ZNF804B: variants seen among roughly 807,000 people sequenced by gnomAD.
ZNF804B encodes the protein zinc finger 804B.
ZNF804B carries 80 observed loss-of-function variants against 101.4 expected under a neutral mutation model. The ratio of observed to expected loss-of-function variants is 0.79; its 90% CI spans 0.66 to 0.95. The LOEUF (loss-of-function observed/expected upper bound fraction) is 0.95. Ranked by LOEUF, ZNF804B falls within the 40% of genes least tolerant of loss-of-function variation. The pLI is 0.00. For synonymous variants in ZNF804B, 622 were observed against 558.8 expected, an observed-to-expected ratio of 1.11 and a Z score of -1.59; for missense variants, 1,673 against 1,561.9, an observed-to-expected ratio of 1.07 and a Z score of -1.20.
chr7:89,027,170 A>G (rs1437725923), intron 1 of ZNF804B, among the ~76,000 whole-genome samples: 2 of 152,160 alleles, frequency 1.3e-5, no homozygotes, highest in East Asian at 1.9e-4. Flanking sequence ...ACTGGATTGT[A>G]TAAAAAGCAA....
At chr7:89,059,080 C>T (rs1789337449) in intron 1 of ZNF804B, among the ~76,000 whole-genome samples, 1 of 152,134 alleles carries the variant, frequency 6.6e-6, no homozygotes, top group Non-Finnish European at 1.5e-5. Flanking sequence ...ACTCATGAAA[C>T]CAGATGGCTA....
chr7:89,075,499 C>T (rs1424540624), intron 1 of ZNF804B, among the ~76,000 whole-genome samples: 2 of 152,166 alleles, frequency 1.3e-5, no homozygotes, highest in African/African-American at 2.4e-5. Flanking sequence ...AAGTGAAGAA[C>T]TGAGCTTCAG....
At chr7:89,229,079 GCA>G (rs1412207905) in intron 2 of ZNF804B, among the ~76,000 whole-genome samples, 1 of 152,198 alleles carries the variant, frequency 6.6e-6, no homozygotes, top group Non-Finnish European at 1.5e-5. Flanking sequence ...CAAGCACCAC[GCA>G]CAGACCCGGT....
intron 1 of ZNF804B, among the ~76,000 whole-genome samples, chr7:89,163,546 T>C (rs1318974512): frequency 6.6e-6 from 1 of 152,212 alleles, no homozygotes; most frequent in Non-Finnish European, 1.5e-5. Context: ...AATGTTTCCA[T>C]TTCATTTAGT....
intron 1 of ZNF804B, among the ~76,000 whole-genome samples, chr7:88,834,772 CCATT>C (rs781727984): frequency 3.5e-4 from 53 of 151,582 alleles, no homozygotes; most frequent in African/African-American, 6.5e-4. Flanking sequence ...CTATTTTTCG[CCATT>C]CAATCTCCTT....
chr7:89,201,257 G>A (rs528975683), intron 1 of ZNF804B, among the ~76,000 whole-genome samples: 72 of 152,142 alleles, frequency 4.7e-4, no homozygotes, highest in Non-Finnish European at 9.1e-4. Context: ...TAGTAACAGA[G>A]CATGTAAGCT....
At chr7:88,935,027 A>G (rs947297407) in intron 1 of ZNF804B, among the ~76,000 whole-genome samples, 1 of 151,244 alleles carries the variant, frequency 6.6e-6, no homozygotes, top group Non-Finnish European at 1.5e-5. Context: ...ATATAGATAT[A>G]TGTGTGTGTG....
At chr7:88,774,344 G>A (rs191736785) in intron 1 of ZNF804B, among the ~76,000 whole-genome samples, 14 of 152,084 alleles carry the variant, frequency 9.2e-5, no homozygotes, top group Non-Finnish European at 1.6e-4. Context: ...AGTGTGATCA[G>A]CTAGAGGCTG....
At chr7:89,060,624 T>C (rs555810572) in intron 1 of ZNF804B, among the ~76,000 whole-genome samples, 1 of 152,298 alleles carries the variant, frequency 6.6e-6, no homozygotes, top group African/African-American at 2.4e-5. Flanking sequence ...TATTTAATCA[T>C]ATATTAATTC....
intron 1 of ZNF804B, among the ~76,000 whole-genome samples, chr7:88,771,701 A>G (rs1790066095): frequency 6.6e-6 from 1 of 152,166 alleles, no homozygotes; most frequent in Admixed American, 6.6e-5. Flanking sequence ...TAAAACATAT[A>G]TATTATATGA....
intron 1 of ZNF804B, among the ~76,000 whole-genome samples, chr7:89,107,020 A>G (rs1790146250): frequency 6.6e-6 from 1 of 152,138 alleles, no homozygotes. Flanking sequence ...ACATCTATGG[A>G]GATGTTATTA....
Position 89,334,691 on chromosome 7 carries a change from C to A in ZNF804B, c.1709C>A (p.Ala570Glu). 6.2e-7 allele frequency: 1 copy of A among 1,613,548 alleles called. No homozygotes were observed. Among genetic ancestry groups the A allele is most frequent in the South Asian group, 1.1e-5 (1 of 91,064 alleles). Reference protein sequence around the residue: ...EPNKSEYTFSANDLEMKNPKV... With the variant: ...EPNKSEYTFSENDLEMKNPKV... ...AATAAGAGTGAATATACTTTCAGTGCAAATGATTTGGAAATGAAAAATCCT... is the reference window on the plus strand; with the variant it reads ...AATAAGAGTGAATATACTTTCAGTGAAAATGATTTGGAAATGAAAAATCCT... The change falls in exon 4 of 4, where the codon GCA becomes GAA. Residue 570 changes from alanine to glutamate, a missense_variant. Ala to Glu is a moderately radical substitution (Grantham distance 107). Coordinates refer to ENST00000333190, the MANE Select transcript of ZNF804B (RefSeq NM_181646.5).
chr7:89,200,737 A>T (rs1374759081), intron 1 of ZNF804B, among the ~76,000 whole-genome samples: 7 of 152,024 alleles, frequency 4.6e-5, no homozygotes. Context: ...TCTTCTGTCC[A>T]CCGCCAACAT....
intron 1 of ZNF804B, among the ~76,000 whole-genome samples, chr7:89,032,716 C>A (rs1308638659): frequency 2.0e-5 from 3 of 151,988 alleles, no homozygotes; most frequent in Admixed American, 6.6e-5. Context: ...AGAGAGACAT[C>A]AGGGAGTAGG....
chr7:88,857,786 T>G (rs10250824), intron 1 of ZNF804B, among the ~76,000 whole-genome samples: 6,535 of 150,826 alleles, frequency 0.043, 414 homozygotes, highest in African/African-American at 0.14. Flanking sequence ...TGATACCAAA[T>G]TCTTTCTTCC....
intron 1 of ZNF804B, among the ~76,000 whole-genome samples, chr7:88,810,962 G>T (rs1790776293): frequency 6.6e-6 from 1 of 151,814 alleles, no homozygotes; most frequent in Non-Finnish European, 1.5e-5. Context: ...ACAGAAAGAT[G>T]AACCAGTTTA....
chr7:89,033,347 T>C (rs1461274670), intron 1 of ZNF804B, among the ~76,000 whole-genome samples: 1 of 152,194 alleles, frequency 6.6e-6, no homozygotes, highest in Non-Finnish European at 1.5e-5. Context: ...TTCATGTTGT[T>C]TAGCCATTCA....
intron 1 of ZNF804B, among the ~76,000 whole-genome samples, chr7:88,863,393 T>C (rs1217436335): frequency 6.6e-6 from 1 of 152,268 alleles, no homozygotes; most frequent in Non-Finnish European, 1.5e-5. Flanking sequence ...GCCATTTTAA[T>C]ATAATTATAT....
intron 1 of ZNF804B, among the ~76,000 whole-genome samples, chr7:89,201,472 T>TCG (rs1788635833): frequency 6.6e-6 from 1 of 151,940 alleles, no homozygotes; most frequent in Non-Finnish European, 1.5e-5. Context: ...CTATTAGATA[T>TCG]ATTGTACACT....
Sources: allele counts gnomAD v4.1 joint callset (sites outside exome capture counted in the v4.1 genomes callset), GRCh38; gene constraint gnomAD v4.1.1; transcripts MANE v1.5; gene names NCBI Gene and HGNC (gene_info 2026-07-23, HGNC 2026-07-21).